Variants in HIF1AN observed in about 807,000 individuals in gnomAD.
HIF1AN encodes hypoxia inducible factor 1 subunit alpha inhibitor.
A neutral mutation model predicts 47.7 loss-of-function variants in HIF1AN; 21 were observed. That is an observed-to-expected ratio of 0.44 (90% CI 0.31 to 0.63). The LOEUF is 0.63. Ranked by LOEUF, HIF1AN falls within the 30% of genes least tolerant of loss-of-function variation. The probability of loss-of-function intolerance (pLI) is 0.07; values close to 1 mark genes in which losing one functional copy is unlikely to be tolerated. For synonymous variants in HIF1AN, 152 were observed against 155.9 expected (o/e 0.98, Z 0.18); for missense variants, 320 against 432.7 (o/e 0.74, Z 2.31).
At chr10:100,543,657 C>T (rs1843067371) in intron 3 of HIF1AN, among the ~76,000 whole-genome samples, 1 of 152,184 alleles carries the variant, frequency 6.6e-6, no homozygotes, top group Non-Finnish European at 1.5e-5. Flanking sequence ...ACTGCAAGCT[C>T]TGCCTTCCGG....
At position 100,555,817 on chromosome 10, in the gene HIF1AN, T is replaced by C. The variant is rs1337425543; in HGVS notation, c.*7680T>C. On this transcript the variant is annotated 3_prime_UTR_variant, in exon 8 of 8. Coordinates refer to ENST00000299163, the MANE Select transcript of HIF1AN (RefSeq NM_017902.3). ...GTCAGAACTATCAGGAAAGCTGTGCTCCTTAACCCATCATCTAAGCTAAGC... is the reference window on the plus strand; with the variant it reads ...GTCAGAACTATCAGGAAAGCTGTGCCCCTTAACCCATCATCTAAGCTAAGC... 6.6e-6 allele frequency: 1 copy of C among 152,278 alleles called. No individual in the cohort carries two copies. The highest frequency in any genetic ancestry group is 6.5e-5 in the Admixed American group (1 of 15,288). 9.4% of individuals were successfully genotyped at this position (152,278 alleles called of 1,614,324 possible).
At position 100,551,058 on chromosome 10, in the gene HIF1AN, T is replaced by C. The variant is rs1037646298; in HGVS notation, c.*2921T>C. 2 of 152,238 alleles carry C rather than the reference T, an allele frequency of 1.3e-5. No individual in the cohort carries two copies. The highest frequency in any genetic ancestry group is 2.9e-5 in the Non-Finnish European group (2 of 68,060). The allele number at this position is 152,238 out of a possible 1,614,324, so 9.4% of individuals were successfully genotyped here. A position where few individuals can be genotyped will look rare whatever the true frequency, so the allele number is the denominator to read the frequency against. On this transcript the variant is annotated 3_prime_UTR_variant, in exon 8 of 8. Coordinates refer to ENST00000299163, the MANE Select transcript of HIF1AN (RefSeq NM_017902.3). ...AGGTCAGCTACGCTGCAGGCTCATC[T>C]ATTCACACCAGCAGGTACAGAGAAA...
In HIF1AN at chr10:100,552,179, T is replaced by G. The variant is rs1419770011; in HGVS notation, c.*4042T>G. ...TCAAACTTCAAGGACAGTATTAATTTATACTAGTATTTCTTCCTCAGTTTT... is the reference window on the plus strand; with the variant it reads ...TCAAACTTCAAGGACAGTATTAATTGATACTAGTATTTCTTCCTCAGTTTT... On this transcript the variant is annotated 3_prime_UTR_variant, in exon 8 of 8. Coordinates refer to ENST00000299163, the MANE Select transcript of HIF1AN (RefSeq NM_017902.3). The G allele has an allele frequency of 1.3e-5, 2 of 152,270 alleles. No individual in the cohort carries two copies. The highest frequency in any genetic ancestry group is 4.8e-5 in the African/African-American group (2 of 41,474). The allele number at this position is 152,270 out of a possible 1,614,324, so 9.4% of individuals were successfully genotyped here. A position where few individuals can be genotyped will look rare whatever the true frequency, so the allele number is the denominator to read the frequency against.
intron 7 of HIF1AN, among the ~76,000 whole-genome samples, chr10:100,547,499 A>T (rs1440124939): frequency 6.6e-6 from 1 of 152,240 alleles, no homozygotes; most frequent in African/African-American, 2.4e-5. Context: ...GGACCCCCTG[A>T]GGGGATTCTT....
intron 3 of HIF1AN, among the ~76,000 whole-genome samples, chr10:100,543,887 T>C (rs551097594): frequency 3.9e-5 from 6 of 152,326 alleles, no homozygotes; most frequent in Admixed American, 1.3e-4. Context: ...TTGACTCTTA[T>C]GTCTTTCTGT....
In HIF1AN at chr10:100,547,175, CA is replaced by C; in HGVS notation, c.933del (p.Ala312LeufsTer7). On this transcript the variant is annotated frameshift_variant, in exon 7 of 8. Coordinates refer to ENST00000299163, the MANE Select transcript of HIF1AN (RefSeq NM_017902.3). LOFTEE classifies it high-confidence loss of function. ...CCCCTAAGAGAATTGAATATCCTCT[CA>C]AAGCTCATCAGAAAGTGGCCATAAT... Reference protein sequence around the residue: ...PTPKRIEYPLKAHQKVAIMRN... With the variant: ...PTPKRIEYPLXAHQKVAIMRN... 1 of 1,613,904 alleles carries C rather than the reference CA, an allele frequency of 6.2e-7. No individual in the cohort carries two copies. The highest frequency in any genetic ancestry group is 8.5e-7 in the Non-Finnish European group (1 of 1,179,908).
rs1843217402 is a variant in HIF1AN at position 100,556,752 on chromosome 10, CAG to C, written c.*8616_*8617del. The C allele has an allele frequency of 6.6e-6, 1 of 152,180 alleles. No individual in the cohort carries two copies. Among genetic ancestry groups the C allele is most frequent in the Non-Finnish European group, 1.5e-5 (1 of 68,042 alleles). 9.4% of individuals were successfully genotyped at this position (152,180 alleles called of 1,614,324 possible). On this transcript the variant is annotated 3_prime_UTR_variant, in exon 8 of 8. Transcript: ENST00000299163. ...TAGCTAATTCTAACCTTAGGTAAGT[CAG>C]TGTCTCTGGGTCTCAACCTCTTCCT...
At position 100,540,806 on chromosome 10, in the gene HIF1AN, A is replaced by G. The variant is rs1843019357; in HGVS notation, c.577+24A>G. ...AGGTAAGAAATCTTTCAAAAGCAGC[A>G]TGGCTTGGAGTCATATGAACCTGAT... On this transcript the variant is annotated intron_variant, in intron 3 of 7. Transcript: ENST00000299163. 3 of 1,596,528 alleles carry G rather than the reference A, an allele frequency of 1.9e-6. No individual in the cohort carries two copies. The African/African-American group carries it at 4.1e-5, about 22-fold the overall frequency.
rs560947903 is a variant in HIF1AN at position 100,549,103 on chromosome 10, T to C, written c.*966T>C. The C allele has an allele frequency of 6.6e-6, 1 of 152,500 alleles. No homozygotes were observed. Among genetic ancestry groups the C allele is most frequent in the African/African-American group, 2.4e-5 (1 of 41,326 alleles). 9.4% of individuals were successfully genotyped at this position (152,500 alleles called of 1,614,324 possible). On this transcript the variant is annotated 3_prime_UTR_variant, in exon 8 of 8. Coordinates refer to ENST00000299163, the MANE Select transcript of HIF1AN (RefSeq NM_017902.3). ...GTGTCCGTGTGTGTGTGTGTGTGTG[T>C]CCACACTGGCCAGCCTCCCTACTTA...
At chr10:100,542,044 C>T (rs962982421) in intron 3 of HIF1AN, among the ~76,000 whole-genome samples, 29 of 150,846 alleles carry the variant, frequency 1.9e-4, no homozygotes, top group Admixed American at 1.4e-3. Context: ...AGTAAAAGTA[C>T]GGTATCAGAT....
rs1016298696 is a variant in HIF1AN, at chr10:100,539,726, C to T, written c.429-908C>T. Among the ~76,000 whole-genome samples, 4 of 152,172 alleles carry T rather than the reference C, an allele frequency of 2.6e-5. No individual in the cohort carries two copies. The East Asian group carries it at 5.8e-4, about 22-fold the overall frequency. On this transcript the variant is annotated intron_variant, in intron 2 of 7. Transcript: ENST00000299163. Reference sequence around the variant, plus strand: ...ACACAAGTCGCTTCTGTGGACATTTCCTTGGCCAGAGCAGCGTAAATAAGC... The same window carrying T: ...ACACAAGTCGCTTCTGTGGACATTTTCTTGGCCAGAGCAGCGTAAATAAGC...
In HIF1AN at chr10:100,548,306, C is replaced by T. The variant is rs1843114162; in HGVS notation, c.*169C>T. 5.6e-6 allele frequency: 3 copies of T among 534,102 alleles called. No individual in the cohort carries two copies. The Admixed American group carries it at 1.1e-4, about 19-fold the overall frequency. The allele number at this position is 534,102 out of a possible 1,614,324, so 33.1% of individuals were successfully genotyped here. A position where few individuals can be genotyped will look rare whatever the true frequency, so the allele number is the denominator to read the frequency against. ...TTGGAGCGAGGCAGGGCAGTTGGCA[C>T]TCCACTCCTATTTGGAGGGACTTCA... On this transcript the variant is annotated 3_prime_UTR_variant, in exon 8 of 8. Transcript: ENST00000299163.
At position 100,548,319 on chromosome 10, in the gene HIF1AN, T is replaced by A; in HGVS notation, c.*182T>A. ...GGGCAGTTGGCACTCCACTCCTATT[T>A]GGAGGGACTTCATACCCTTGCCTCT... is the stretch of plus-strand genomic sequence containing the variant. On this transcript the variant is annotated 3_prime_UTR_variant, in exon 8 of 8. Transcript: ENST00000299163. The A allele has an allele frequency of 1.9e-6, 1 of 515,074 alleles. No individual in the cohort carries two copies. The highest frequency in any genetic ancestry group is 3.4e-6 in the Non-Finnish European group (1 of 293,176). 31.9% of individuals were successfully genotyped at this position (515,074 alleles called of 1,614,324 possible).
At position 100,553,577 on chromosome 10, in the gene HIF1AN, C is replaced by G. The variant is rs963360309; in HGVS notation, c.*5440C>G. ...GAAAGAATTTACATATGGGCTCCCC[C>G]CTGCTTTCCCACTGAAAATCTATTC... On this transcript the variant is annotated 3_prime_UTR_variant, in exon 8 of 8. Transcript: ENST00000299163. 1.3e-5 allele frequency: 2 copies of G among 152,208 alleles called. No individual in the cohort carries two copies. Among genetic ancestry groups the G allele is most frequent in the East Asian group, 1.9e-4 (1 of 5,196 alleles). The allele number at this position is 152,208 out of a possible 1,614,324, so 9.4% of individuals were successfully genotyped here.
intron 3 of HIF1AN, among the ~76,000 whole-genome samples, chr10:100,542,846 GTTT>G (rs397730143): frequency 4.5e-5 from 5 of 111,766 alleles, no homozygotes; most frequent in South Asian, 6.2e-4. Flanking sequence ...ATGTGAATGT[GTTT>G]TTTTTTTTTT....
Position 100,548,088 on chromosome 10 carries a change from T to G in HIF1AN, c.1006-5T>G. 1.2e-6 allele frequency: 2 copies of G among 1,613,964 alleles called. No individual in the cohort carries two copies. Among genetic ancestry groups the G allele is most frequent in the Non-Finnish European group, 1.7e-6 (2 of 1,179,916 alleles). On this transcript the variant is annotated splice_polypyrimidine_tract_variant and splice_region_variant and intron_variant, in intron 7 of 7. Coordinates refer to ENST00000299163, the MANE Select transcript of HIF1AN (RefSeq NM_017902.3). ...TTCTGATTGGCTCCTCATGTTTCTT[T>G]ACAGGTGGGGCCCTTGTTGAACACA... is the stretch of plus-strand genomic sequence containing the variant.
rs1375791635 is a variant in HIF1AN at position 100,549,636 on chromosome 10, A to C, written c.*1499A>C. 6.6e-6 allele frequency: 1 copy of C among 152,100 alleles called. No homozygotes were observed. The highest frequency in any genetic ancestry group is 2.4e-5 in the African/African-American group (1 of 41,364). The allele number at this position is 152,100 out of a possible 1,614,324, so 9.4% of individuals were successfully genotyped here. On this transcript the variant is annotated 3_prime_UTR_variant, in exon 8 of 8. Transcript: ENST00000299163. The stretch of plus-strand genomic sequence containing the variant: ...CCATCATTCACATCTATTCAGTGGG[A>C]GTGGGGTCCCTGGGATTGGGCAGTG...
At position 100,556,948 on chromosome 10, in the gene HIF1AN, TTCTGATCCTAC is replaced by T. The variant is rs774307818; in HGVS notation, c.*8817_*8827del. The T allele has an allele frequency of 6.6e-6, 1 of 152,246 alleles. No individual in the cohort carries two copies. The highest frequency in any genetic ancestry group is 1.5e-5 in the Non-Finnish European group (1 of 68,046). 9.4% of individuals were successfully genotyped at this position (152,246 alleles called of 1,614,324 possible). A position where few individuals can be genotyped will look rare whatever the true frequency, so the allele number is the denominator to read the frequency against. ...TGGAGAGACTACAGCAGCAAGGCTT[TTCTGATCCTAC>T]TCTGACTCTCAAGATAATGGTGCTT... On this transcript the variant is annotated 3_prime_UTR_variant, in exon 8 of 8. Coordinates refer to ENST00000299163, the MANE Select transcript of HIF1AN (RefSeq NM_017902.3).
At chr10:100,536,276 C>T (rs995669185) in intron 1 of HIF1AN, 135 bp from the exon 2 acceptor site, 7 of 1,311,704 alleles carry the variant, frequency 5.3e-6, no homozygotes, top group Middle Eastern at 5.3e-4. Context: ...CGAGGAGATA[C>T]GGAACTTAGG....
Sources: allele counts gnomAD v4.1 joint callset (sites outside exome capture counted in the v4.1 genomes callset), GRCh38; gene constraint gnomAD v4.1.1; transcripts MANE v1.5; gene names NCBI Gene and HGNC (gene_info 2026-07-23, HGNC 2026-07-21).